Variants in SPOCK3 observed in about 807,000 individuals in gnomAD.
SPOCK3 encodes SPARC (osteonectin), cwcv and kazal like domains proteoglycan 3, also known as testican-3.
Under a neutral mutation model 56.6 loss-of-function variants are expected in SPOCK3, and 30 were observed. The observed-to-expected ratio is 0.53, with a 90% confidence interval of 0.40 to 0.72. The LOEUF is 0.72. SPOCK3 is among the 30% of genes least tolerant of loss of function. SPOCK3 has a pLI of 0.00. For synonymous variants in SPOCK3, 196 were observed against 183.3 expected (o/e 1.07, Z -0.56); for missense variants, 527 against 530.0 (o/e 0.99, Z 0.06).
intron 4 of SPOCK3, among the ~76,000 whole-genome samples, chr4:166,939,282 C>T (rs1353960586): frequency 1.3e-5 from 2 of 152,034 alleles, no homozygotes; most frequent in African/African-American, 4.8e-5. Flanking sequence ...ATACCCATAA[C>T]TTGGATTCAT....
At chr4:167,006,704 AC>A (rs1354258985) in intron 3 of SPOCK3, among the ~76,000 whole-genome samples, 1 of 152,264 alleles carries the variant, frequency 6.6e-6, no homozygotes, top group Admixed American at 6.5e-5. Context: ...TTTTGGGGAA[AC>A]CTTTAACTAT....
intron 6 of SPOCK3, among the ~76,000 whole-genome samples, chr4:166,872,736 A>C (rs1732617318): frequency 6.6e-6 from 1 of 152,192 alleles, no homozygotes; most frequent in Admixed American, 6.6e-5. Flanking sequence ...TGAATGTCTT[A>C]GTTATTTTTT....
At chr4:166,754,259 T>C (rs1355522429) in intron 8 of SPOCK3, 1 of 1,167,270 alleles carries the variant, frequency 8.6e-7, no homozygotes, top group Non-Finnish European at 1.1e-6. Context: ...TGGCTCATAA[T>C]GGAAACTATA....
chr4:166,927,554 T>C (rs1739259621), intron 4 of SPOCK3, among the ~76,000 whole-genome samples: 1 of 152,142 alleles, frequency 6.6e-6, no homozygotes, highest in Non-Finnish European at 1.5e-5. Flanking sequence ...CATAAAGTTG[T>C]CACACTCTTC....
intron 4 of SPOCK3, among the ~76,000 whole-genome samples, chr4:166,959,486 A>G (rs1743893203): frequency 1.3e-5 from 2 of 151,964 alleles, no homozygotes; most frequent in South Asian, 2.1e-4. Context: ...GGTGGCACAC[A>G]CCTGTATTCT....
intron 5 of SPOCK3, among the ~76,000 whole-genome samples, chr4:166,893,127 A>T (rs1288178960): frequency 1.3e-5 from 2 of 152,098 alleles, no homozygotes; most frequent in Non-Finnish European, 2.9e-5. Flanking sequence ...GAATGCTGCT[A>T]AACATCTTAC....
chr4:167,186,511 C>T (rs929887306), intron 2 of SPOCK3, among the ~76,000 whole-genome samples: 1 of 150,292 alleles, frequency 6.7e-6, no homozygotes, highest in Non-Finnish European at 1.5e-5. Context: ...CCTGTAATCC[C>T]AGCTACTTGG....
chr4:167,030,291 G>A (rs887005181), intron 3 of SPOCK3, among the ~76,000 whole-genome samples: 2 of 151,840 alleles, frequency 1.3e-5, no homozygotes, highest in Non-Finnish European at 2.9e-5. Context: ...TTAATCTTTT[G>A]TTTTTTATAC....
intron 4 of SPOCK3, among the ~76,000 whole-genome samples, chr4:166,940,645 T>A (rs1338155191): frequency 6.6e-6 from 1 of 151,254 alleles, no homozygotes; most frequent in Non-Finnish European, 1.5e-5. Context: ...AAGATGCTAA[T>A]GAGATATGTG....
At chr4:167,045,059 C>T (rs1359388386) in intron 3 of SPOCK3, among the ~76,000 whole-genome samples, 1 of 152,086 alleles carries the variant, frequency 6.6e-6, no homozygotes, top group Non-Finnish European at 1.5e-5. Flanking sequence ...TTGTAGTTCT[C>T]TCAGGTTTTG....
chr4:166,821,492 T>A (rs776147939), intron 6 of SPOCK3, among the ~76,000 whole-genome samples: 8 of 152,210 alleles, frequency 5.3e-5, no homozygotes, highest in Non-Finnish European at 7.4e-5. Flanking sequence ...GAAATGTTCA[T>A]AGCAGTATTA....
chr4:166,902,857 T>A (rs1736204355), intron 5 of SPOCK3, among the ~76,000 whole-genome samples: 1 of 150,904 alleles, frequency 6.6e-6, no homozygotes, highest in African/African-American at 2.4e-5. Context: ...TTGGTAATGC[T>A]TGAATATTTC....
chr4:166,754,306 T>A, intron 8 of SPOCK3: 1 of 1,297,106 alleles, frequency 7.7e-7, no homozygotes, highest in Non-Finnish European at 9.8e-7. Context: ...AATTACTATT[T>A]TTCATCTTAT....
At chr4:167,072,330 AC>A (rs1338283015) in intron 2 of SPOCK3, among the ~76,000 whole-genome samples, 7 of 151,966 alleles carry the variant, frequency 4.6e-5, no homozygotes, top group South Asian at 2.1e-4. Flanking sequence ...TATTAGCCAC[AC>A]CCCTTTTTTT....
intron 6 of SPOCK3, among the ~76,000 whole-genome samples, chr4:166,863,797 G>A (rs1441380150): frequency 1.3e-5 from 2 of 152,090 alleles, no homozygotes; most frequent in Non-Finnish European, 2.9e-5. Flanking sequence ...AGTTCTTAGA[G>A]ACCTGCAAAG....
intron 3 of SPOCK3, among the ~76,000 whole-genome samples, chr4:167,058,783 G>C (rs1477050640): frequency 6.6e-6 from 1 of 152,100 alleles, no homozygotes; most frequent in Non-Finnish European, 1.5e-5. Flanking sequence ...AAACAGCATG[G>C]TACTGGTACC....
At chr4:167,116,720 T>C (rs1015567477) in intron 2 of SPOCK3, among the ~76,000 whole-genome samples, 57 of 134,566 alleles carry the variant, frequency 4.2e-4, no homozygotes, top group East Asian at 1.1e-3. Flanking sequence ...ATAGTATATA[T>C]GTATATATAC....
At chr4:166,912,852 G>C in intron 4 of SPOCK3, 109 bp from the exon 5 acceptor site, 1 of 839,928 alleles carries the variant, frequency 1.2e-6, no homozygotes, top group Non-Finnish European at 1.7e-6. Context: ...AGATACATTA[G>C]AATCAACAAA....
intron 6 of SPOCK3, among the ~76,000 whole-genome samples, chr4:166,852,008 G>A (rs1453034985): frequency 6.6e-6 from 1 of 151,304 alleles, no homozygotes; most frequent in Non-Finnish European, 1.5e-5. Context: ...GGACATGGAT[G>A]AAATTGGAAA....
Sources: gnomAD v4.1 joint callset for allele counts (sites outside exome capture counted in the v4.1 genomes callset) on GRCh38, gnomAD v4.1.1 for gene constraint, MANE v1.5 for transcripts, NCBI Gene and HGNC (gene_info 2026-07-23, HGNC 2026-07-21) for gene names.